The following NDUFA9 variants were observed in gnomAD, a reference collection of about 807,000 sequenced individuals.
The protein encoded by NDUFA9 is NADH:ubiquinone oxidoreductase subunit A9.
A neutral mutation model predicts 45.9 loss-of-function variants in NDUFA9; 23 were observed. The observed-to-expected ratio is 0.50, with a 90% CI of 0.36 to 0.71. NDUFA9 has a LOEUF of 0.71. NDUFA9 is among the 30% of genes least tolerant of loss of function. The pLI, the probability that NDUFA9 is intolerant of heterozygous loss-of-function variation, is 0.00. For missense variants in NDUFA9, 466 were observed against 488.2 expected, an observed-to-expected ratio of 0.95 and a Z score of 0.43; for synonymous variants, 176 against 170.5, an observed-to-expected ratio of 1.03 and a Z score of -0.25.
At position 4,687,151 on chromosome 12, in the gene NDUFA9, C is replaced by G. The variant is rs1426056720; in HGVS notation, c.*43C>G. 6.3e-7 allele frequency: 1 copy of G among 1,599,496 alleles called. No individual in the cohort carries two copies. Among genetic ancestry groups the G allele is most frequent in the Non-Finnish European group, 8.5e-7 (1 of 1,170,930 alleles). On this transcript the variant is annotated 3_prime_UTR_variant, in exon 11 of 11. Transcript: ENST00000266544. ...TTGGTTTTGGCGTCTTTTGGGTCGG[C>G]CCATGTGGTTTGAGCACCCAGCCAG...
chr12:4,684,841 CA>C (rs1414047907), intron 9 of NDUFA9: 2 of 356,036 alleles, frequency 5.6e-6, no homozygotes, highest in African/African-American at 4.3e-5. Context: ...CCCCAGCTTT[CA>C]GGGGTTACGT....
intron 3 of NDUFA9, chr12:4,655,131 G>T (rs1052504368): frequency 3.9e-6 from 2 of 509,494 alleles, no homozygotes; most frequent in Non-Finnish European, 6.9e-6. Flanking sequence ...TTCTTTGAAG[G>T]GACAGAGAGT....
intron 9 of NDUFA9, among the ~76,000 whole-genome samples, chr12:4,684,542 G>T (rs1382719495): frequency 6.6e-6 from 1 of 152,164 alleles, no homozygotes; most frequent in Non-Finnish European, 1.5e-5. Flanking sequence ...GGCTGAAGTG[G>T]GAGGATCACT....
Position 4,659,026 on chromosome 12 carries a change from T to C in NDUFA9, c.411-10T>C. 6.2e-7 allele frequency: 1 copy of C among 1,609,544 alleles called. No individual in the cohort carries two copies. Among genetic ancestry groups the C allele is most frequent in the African/African-American group, 1.3e-5 (1 of 74,750 alleles). On this transcript the variant is annotated splice_polypyrimidine_tract_variant and intron_variant, in intron 4 of 10. Transcript: ENST00000266544. ...GTTCTTAACCAATCCTTTTATTTTT[T>C]ATCTTCCAGAAACTTTGATTTTGAG...
At chr12:4,668,336 G>T in intron 6 of NDUFA9, 121 bp from the exon 7 acceptor site, 1 of 803,996 alleles carries the variant, frequency 1.2e-6, no homozygotes, top group Non-Finnish European at 2.0e-6. Flanking sequence ...CACTTCCTCA[G>T]AGTCAGCTAC....
chr12:4,682,296 T>C lies in NDUFA9; in HGVS notation c.892T>C (p.Tyr298His). 3 of 1,606,854 alleles carry C rather than the reference T, an allele frequency of 1.9e-6. No homozygotes were observed. Among genetic ancestry groups the C allele is most frequent in the Non-Finnish European group, 2.6e-6 (3 of 1,173,706 alleles). Residue 298 changes from tyrosine (Y) to histidine (H), a missense_variant, in exon 9 of 11, where the codon TAT becomes CAT. Physicochemically the swap from Tyr to His is moderately conservative, Grantham distance 83. Coordinates refer to ENST00000266544, the MANE Select transcript of NDUFA9 (RefSeq NM_005002.5). ...CCCATTCCCCTTGCCGCTTTTTGCCTATCGGTAAGTAGAGTGCTCCTTTTG... is the reference window on the plus strand; with the variant it reads ...CCCATTCCCCTTGCCGCTTTTTGCCCATCGGTAAGTAGAGTGCTCCTTTTG... Reference protein sequence around the residue: ...FLPFPLPLFAYRWVARVFEIS... With the variant: ...FLPFPLPLFAHRWVARVFEIS...
intron 6 of NDUFA9, among the ~76,000 whole-genome samples, chr12:4,666,472 A>T (rs1945853755): frequency 6.6e-6 from 1 of 152,204 alleles, no homozygotes; most frequent in East Asian, 1.9e-4. Context: ...GTCCAATGCC[A>T]TGAAGCTTTC....
At chr12:4,657,180 T>C (rs1945795383) in intron 3 of NDUFA9, 1 of 152,586 alleles carries the variant, frequency 6.6e-6, no homozygotes, top group South Asian at 2.1e-4. Flanking sequence ...TTTTAGGTAG[T>C]TCTCTTTGAC....
Position 4,657,824 on chromosome 12 carries a change from G to A in NDUFA9, c.395G>A (p.Arg132Gln). ...HSNVVINLIG[R>Q]DWETKNFDFE... ...AATGTGGTCATCAATCTTATTGGAC[G>A]AGACTGGGAAACCAAGTAAGTCTTT... Residue 132 changes from arginine to glutamine, a missense_variant, in exon 4 of 11, where the codon CGA (arginine) becomes CAA (glutamine). Arg to Gln is a conservative substitution (Grantham distance 43). Transcript: ENST00000266544. 5 of 1,612,742 alleles carry A rather than the reference G, an allele frequency of 3.1e-6. No individual in the cohort carries two copies. Among genetic ancestry groups the A allele is most frequent in the South Asian group, 2.2e-5 (2 of 91,066 alleles).
chr12:4,682,159 T>G (rs773356137), intron 8 of NDUFA9, 46 bp from the exon 9 acceptor site: 7 of 1,397,808 alleles, frequency 5.0e-6, no homozygotes, highest in Non-Finnish European at 7.0e-6. Flanking sequence ...AAGGAAACTT[T>G]GTGAGAAGCG....
intron 1 of NDUFA9, among the ~76,000 whole-genome samples, chr12:4,650,717 G>A (rs1945754115): frequency 6.6e-6 from 1 of 152,156 alleles, no homozygotes; most frequent in African/African-American, 2.4e-5. Flanking sequence ...GGTACTGAGG[G>A]ATGATTGGAA....
intron 5 of NDUFA9, among the ~76,000 whole-genome samples, chr12:4,661,626 G>A (rs1270718260): frequency 2.0e-5 from 3 of 151,466 alleles, no homozygotes; most frequent in Non-Finnish European, 1.5e-5. Context: ...ATGAGAAGAT[G>A]GTCTATGGAA....
chr12:4,674,142 C>T (rs1945904354), intron 8 of NDUFA9, among the ~76,000 whole-genome samples: 1 of 152,270 alleles, frequency 6.6e-6, no homozygotes, highest in Middle Eastern at 3.4e-3. Flanking sequence ...ACCACCAGGC[C>T]TGCCTTACAA....
chr12:4,678,555 GA>G (rs1303840221), intron 8 of NDUFA9, among the ~76,000 whole-genome samples: 10 of 152,206 alleles, frequency 6.6e-5, no homozygotes, highest in African/African-American at 2.4e-4. Context: ...TTACATATCT[GA>G]TAGAGGACTA....
At position 4,649,292 on chromosome 12, in the gene NDUFA9, C is replaced by G. The variant is rs572561782; in HGVS notation, c.49+117C>G. On this transcript the variant is annotated intron_variant, in intron 1 of 10. Transcript: ENST00000266544. Reference sequence around the variant, plus strand: ...CAACTTCCTAGGCACACTCTGGTTTCTCTAGGTTTGGAGCTGCCTCAGTCT... The same window carrying G: ...CAACTTCCTAGGCACACTCTGGTTTGTCTAGGTTTGGAGCTGCCTCAGTCT... 71 of 1,249,854 alleles carry G rather than the reference C, an allele frequency of 5.7e-5. No individual in the cohort carries two copies. In the South Asian group the frequency reaches 8.2e-4, roughly 15 times the overall value. 77.4% of individuals were successfully genotyped at this position (1,249,854 alleles called of 1,614,324 possible). A position where few individuals can be genotyped will look rare whatever the true frequency, so the allele number is the denominator to read the frequency against.
At chr12:4,675,706 T>G (rs1023308095) in intron 8 of NDUFA9, among the ~76,000 whole-genome samples, 1 of 152,202 alleles carries the variant, frequency 6.6e-6, no homozygotes, top group Non-Finnish European at 1.5e-5. Flanking sequence ...ACCAGATGGA[T>G]TCACAGCTGA....
chr12:4,649,618 T>C (rs983175113), intron 1 of NDUFA9, among the ~76,000 whole-genome samples: 1 of 152,124 alleles, frequency 6.6e-6, no homozygotes, highest in Admixed American at 6.6e-5. Context: ...ATGAGCACAA[T>C]GGAAATGATA....
rs574593473 is a variant in NDUFA9 at position 4,690,990 on chromosome 12, C to T, written c.*3882C>T. 22 of 152,196 alleles carry T rather than the reference C, an allele frequency of 1.4e-4. No homozygotes were observed. The highest frequency in any genetic ancestry group is 4.3e-4 in the African/African-American group (18 of 41,492). The allele number at this position is 152,196 out of a possible 1,614,324, so 9.4% of individuals were successfully genotyped here. ...GTGGTTATGAGTGGGAGGCAGAGTC[C>T]GTGAGTTGGGAGGGGCACAAGCGAG... On this transcript the variant is annotated 3_prime_UTR_variant, in exon 11 of 11. Coordinates refer to ENST00000266544, the MANE Select transcript of NDUFA9 (RefSeq NM_005002.5).
intron 3 of NDUFA9, chr12:4,655,677 A>G (rs1463113053): frequency 6.6e-6 from 1 of 152,198 alleles, no homozygotes; most frequent in South Asian, 2.1e-4. Flanking sequence ...TTTAGTATAG[A>G]TTTAACTTAG....
Sources: gnomAD v4.1 joint callset for allele counts (sites outside exome capture counted in the v4.1 genomes callset) on GRCh38, gnomAD v4.1.1 for gene constraint, MANE v1.5 for transcripts, NCBI Gene and HGNC (gene_info 2026-07-23, HGNC 2026-07-21) for gene names.